LPAR1: variants seen among roughly 807,000 people sequenced by gnomAD.
The protein encoded by LPAR1 is LPA receptor 1.
A neutral mutation model predicts 23.8 loss-of-function variants in LPAR1; 5 were observed. That is an observed-to-expected ratio of 0.21 (90% CI 0.11 to 0.44). The LOEUF (loss-of-function observed/expected upper bound fraction) is 0.44, where lower values mean the gene tolerates loss of function less well. Ranked by LOEUF, LPAR1 falls within the 20% of genes least tolerant of loss-of-function variation. The probability of loss-of-function intolerance (pLI) is 0.99; values close to 1 mark genes in which losing one functional copy is unlikely to be tolerated. For missense variants in LPAR1, 311 were observed against 482.8 expected (o/e 0.64, Z 3.33); for synonymous variants, 160 against 164.7 (o/e 0.97, Z 0.22).
intron 5 of LPAR1, among the ~76,000 whole-genome samples, chr9:110,888,854 A>G (rs2083197433): frequency 1.3e-5 from 2 of 152,202 alleles, no homozygotes; most frequent in Non-Finnish European, 2.9e-5. Flanking sequence ...TGAGAAAAGT[A>G]AAAAATACCT....
intron 5 of LPAR1, among the ~76,000 whole-genome samples, chr9:110,904,138 C>T (rs745568913): frequency 6.6e-6 from 1 of 151,912 alleles, no homozygotes; most frequent in Non-Finnish European, 1.5e-5. Context: ...TGCTGGCAGA[C>T]CTTTTAAAAA....
chr9:111,022,287 C>T (rs1315057918), intron 2 of LPAR1, among the ~76,000 whole-genome samples: 1 of 152,162 alleles, frequency 6.6e-6, no homozygotes, highest in African/African-American at 2.4e-5. Flanking sequence ...TTCAAGTCCT[C>T]CATTTTAAGA....
chr9:111,007,282 A>G (rs2097238636), intron 2 of LPAR1, among the ~76,000 whole-genome samples: 1 of 152,180 alleles, frequency 6.6e-6, no homozygotes. Context: ...CAGTATAAAA[A>G]TGGCCTAATG....
At chr9:110,967,264 T>C (rs2096256861) in intron 4 of LPAR1, among the ~76,000 whole-genome samples, 1 of 152,102 alleles carries the variant, frequency 6.6e-6, no homozygotes, top group Admixed American at 6.5e-5. Context: ...TGTCTCAGAG[T>C]CAAGGCAGGG....
In LPAR1 at chr9:110,875,427, C is replaced by G. The variant is rs2132192689; in HGVS notation, c.1089G>C (p.Val363=). 1 of 1,610,592 alleles carries G rather than the reference C, an allele frequency of 6.2e-7. No homozygotes were observed. Among genetic ancestry groups the G allele is most frequent in the East Asian group, 2.2e-5 (1 of 44,764 alleles). ...CCTCATCTCAGTTTCCGTTCTAAAC[C>G]ACAGAGTGGTCATTGCTGTGAACTC... is the stretch of plus-strand genomic sequence containing the variant. The part of the protein sequence containing the change: ...LAGVHSNDHS[V]V The change falls in exon 6 of 6, where the codon GTG becomes GTC. Residue 363 remains valine (V), a synonymous_variant. Coordinates refer to ENST00000683809, the MANE Select transcript of LPAR1 (RefSeq NM_001351411.2).
intron 5 of LPAR1, among the ~76,000 whole-genome samples, chr9:110,894,707 C>T (rs926816835): frequency 4.6e-5 from 7 of 152,112 alleles, no homozygotes; most frequent in Non-Finnish European, 1.5e-5. Flanking sequence ...AGAGTCAGTC[C>T]TCTTTTTGCT....
At chr9:110,881,804 C>T (rs899297242) in intron 5 of LPAR1, among the ~76,000 whole-genome samples, 1 of 152,190 alleles carries the variant, frequency 6.6e-6, no homozygotes, top group Non-Finnish European at 1.5e-5. Context: ...AATCAATTTG[C>T]ACTAAGTCAC....
At chr9:111,032,631 G>C (rs186105448) in intron 2 of LPAR1, among the ~76,000 whole-genome samples, 188 of 152,268 alleles carry the variant, frequency 1.2e-3, no homozygotes, top group Middle Eastern at 0.01. Context: ...TTCAGAATCA[G>C]GGCAGTTAAG....
At chr9:110,918,766 C>T (rs1421509152) in intron 5 of LPAR1, among the ~76,000 whole-genome samples, 1 of 152,212 alleles carries the variant, frequency 6.6e-6, no homozygotes, top group Non-Finnish European at 1.5e-5. Context: ...TAACAGATGA[C>T]TAATATTCCT....
intron 2 of LPAR1, among the ~76,000 whole-genome samples, chr9:110,973,792 T>C (rs2096488317): frequency 6.6e-6 from 1 of 152,234 alleles, no homozygotes; most frequent in African/African-American, 2.4e-5. Flanking sequence ...AAGAAAATAA[T>C]TTTTAAAAAT....
intron 2 of LPAR1, among the ~76,000 whole-genome samples, chr9:111,003,874 A>G (rs1291591432): frequency 6.6e-6 from 1 of 152,174 alleles, no homozygotes; most frequent in Admixed American, 6.5e-5. Context: ...GGTAAAAATA[A>G]TTGGGCTCAG....
intron 2 of LPAR1, among the ~76,000 whole-genome samples, chr9:111,015,121 A>T: frequency 6.6e-6 from 1 of 152,180 alleles, no homozygotes. Context: ...GCCTCAGAAG[A>T]AAACAGTCCT....
At chr9:110,889,417 T>C (rs1002188140) in intron 5 of LPAR1, among the ~76,000 whole-genome samples, 9 of 151,664 alleles carry the variant, frequency 5.9e-5, no homozygotes, top group African/African-American at 2.2e-4. Flanking sequence ...AAAAGAAAAG[T>C]CAGGTAAGAA....
At chr9:110,997,573 C>G (rs2097040033) in intron 2 of LPAR1, among the ~76,000 whole-genome samples, 1 of 152,116 alleles carries the variant, frequency 6.6e-6, no homozygotes, top group South Asian at 2.1e-4. Context: ...TGGTATAGCA[C>G]CCATGAAACT....
intron 5 of LPAR1, among the ~76,000 whole-genome samples, chr9:110,897,341 T>C (rs139320968): frequency 0.055 from 8,393 of 152,202 alleles, 778 homozygotes; most frequent in African/African-American, 0.19. Flanking sequence ...CCGCCATCCA[T>C]GTAAGATGTG....
At chr9:110,980,084 C>T (rs1217410765) in intron 2 of LPAR1, among the ~76,000 whole-genome samples, 2 of 152,050 alleles carry the variant, frequency 1.3e-5, no homozygotes, top group Non-Finnish European at 2.9e-5. Context: ...GGTCATCATC[C>T]TATTAACACT....
intron 2 of LPAR1, among the ~76,000 whole-genome samples, chr9:111,014,077 A>C (rs2097388150): frequency 6.6e-6 from 1 of 152,040 alleles, no homozygotes; most frequent in South Asian, 2.1e-4. Context: ...GTCAATTCTC[A>C]CAATGCCCAG....
At chr9:110,954,725 A>G (rs10817121) in intron 4 of LPAR1, among the ~76,000 whole-genome samples, 1 of 152,056 alleles carries the variant, frequency 6.6e-6, no homozygotes, top group Non-Finnish European at 1.5e-5. Flanking sequence ...AACAAACAAA[A>G]AAAACTGCCA....
intron 1 of LPAR1, among the ~76,000 whole-genome samples, chr9:111,037,372 C>T (rs925559294): frequency 2.6e-5 from 4 of 152,218 alleles, no homozygotes; most frequent in African/African-American, 9.7e-5. Context: ...GAGCCACAAC[C>T]TCAGGCCCCA....
Sources: allele counts gnomAD v4.1 joint callset (sites outside exome capture counted in the v4.1 genomes callset), GRCh38; gene constraint gnomAD v4.1.1; transcripts MANE v1.5; gene names NCBI Gene and HGNC (gene_info 2026-07-23, HGNC 2026-07-21).